The following AGPAT5 variants were observed in gnomAD, a reference collection of about 807,000 sequenced individuals.
AGPAT5 encodes the protein 1-acyl-sn-glycerol-3-phosphate acyltransferase epsilon.
In AGPAT5, 46 loss-of-function variants were observed where a neutral mutation model predicts 45.6. That is an observed-to-expected ratio of 1.01 (90% confidence interval 0.80 to 1.29). AGPAT5 has a LOEUF of 1.29. Among genes scored for constraint, AGPAT5 ranks in the 50% most tolerant of loss-of-function variants. AGPAT5 has a pLI of 0.00. For missense variants in AGPAT5, 673 were observed against 450.7 expected (o/e 1.49, Z -4.47); for synonymous variants, 272 against 167.0 (o/e 1.63, Z -4.85).
At position 6,746,532 on chromosome 8, in the gene AGPAT5, G is replaced by A. The variant is rs537594296; in HGVS notation, c.587-1138G>A. Among the ~76,000 whole-genome samples the A allele has an allele frequency of 4.6e-5, 7 of 152,190 alleles. No homozygotes were observed. In the East Asian group the frequency reaches 1.2e-3, roughly 25 times the overall value. On this transcript the variant is annotated intron_variant, in intron 5 of 7. Coordinates refer to ENST00000285518, the MANE Select transcript of AGPAT5 (RefSeq NM_018361.5). Reference sequence around the variant, plus strand: ...TGGATGAGCTCCAGTAGCAAAGAAGGAAGTGTTAACTAGTTTAACTGACAA... The same window carrying A: ...TGGATGAGCTCCAGTAGCAAAGAAGAAAGTGTTAACTAGTTTAACTGACAA...
intron 1 of AGPAT5, among the ~76,000 whole-genome samples, chr8:6,710,982 A>C (rs1800137767): frequency 6.6e-6 from 1 of 152,078 alleles, no homozygotes; most frequent in Non-Finnish European, 1.5e-5. Context: ...GTTCTGTATA[A>C]AGTATTGTTG....
At chr8:6,709,444 G>A (rs2294142) in intron 1 of AGPAT5, 2 of 153,874 alleles carry the variant, frequency 1.3e-5, no homozygotes, top group Non-Finnish European at 2.9e-5. Flanking sequence ...GTGATCTGTT[G>A]TCTGATTACT....
At chr8:6,729,847 T>C (rs1800804669) in intron 2 of AGPAT5, among the ~76,000 whole-genome samples, 1 of 152,230 alleles carries the variant, frequency 6.6e-6, no homozygotes, top group Admixed American at 6.5e-5. Flanking sequence ...TATTTAACTA[T>C]AGTTATTAGC....
At position 6,708,837 on chromosome 8, in the gene AGPAT5, G is replaced by A. The variant is rs1248066211; in HGVS notation, c.169G>A (p.Val57Ile). 2 of 1,611,558 alleles carry A rather than the reference G, an allele frequency of 1.2e-6. No individual in the cohort carries two copies. The highest frequency in any genetic ancestry group is 8.5e-7 in the Non-Finnish European group (1 of 1,179,618). Residue 57 changes from valine (V) to isoleucine (I), a missense_variant, in exon 1 of 8, where the codon GTC becomes ATC. Val to Ile is a conservative substitution (Grantham distance 29, BLOSUM62 3). Coordinates refer to ENST00000285518, the MANE Select transcript of AGPAT5 (RefSeq NM_018361.5). ...AGCGCTGGACGACCGGCTCTACTGCGTCTACCAGAGCATGGTGCTCTTCTT... is the reference window on the plus strand; with the variant it reads ...AGCGCTGGACGACCGGCTCTACTGCATCTACCAGAGCATGGTGCTCTTCTT... ...YQALDDRLYC[V>I]YQSMVLFFFE...
Position 6,730,637 on chromosome 8 carries a change from T to A in AGPAT5, c.290-74T>A. Reference sequence around the variant, plus strand: ...GAGCCACCGCGCCCGGCCATCATAGTACTTTTGAAGCCCATTCATAGTACA... The same window carrying A: ...GAGCCACCGCGCCCGGCCATCATAGAACTTTTGAAGCCCATTCATAGTACA... On this transcript the variant is annotated intron_variant, in intron 2 of 7. Transcript: ENST00000285518. 2.5e-6 allele frequency: 2 copies of A among 806,448 alleles called. 1 individual carries two copies. The highest frequency in any genetic ancestry group is 3.5e-5 in the South Asian group (2 of 57,688). The allele number at this position is 806,448 out of a possible 1,614,324, so 50.0% of individuals were successfully genotyped here.
chr8:6,749,639 G>A (rs1218330137), intron 6 of AGPAT5, among the ~76,000 whole-genome samples: 1 of 152,054 alleles, frequency 6.6e-6, no homozygotes, highest in Non-Finnish European at 1.5e-5. Context: ...ACAGAAAAGT[G>A]GCATATTAAT....
At chr8:6,722,901 C>G (rs1800554911) in intron 1 of AGPAT5, among the ~76,000 whole-genome samples, 1 of 151,810 alleles carries the variant, frequency 6.6e-6, no homozygotes, top group African/African-American at 2.4e-5. Flanking sequence ...CATGAACAAG[C>G]AATCATAATG....
chr8:6,736,142 A>C (rs1238695641), intron 4 of AGPAT5, among the ~76,000 whole-genome samples: 2 of 152,118 alleles, frequency 1.3e-5, no homozygotes, highest in Non-Finnish European at 2.9e-5. Context: ...GTGAGCCACC[A>C]CGCCCAGCCT....
chr8:6,723,643 A>G (rs1031924874), intron 1 of AGPAT5, among the ~76,000 whole-genome samples: 4 of 152,220 alleles, frequency 2.6e-5, no homozygotes, highest in African/African-American at 9.6e-5. Flanking sequence ...AGATCAAGCT[A>G]TTGGTATTAC....
intron 5 of AGPAT5, among the ~76,000 whole-genome samples, chr8:6,743,959 T>G (rs1801332824): frequency 6.6e-6 from 1 of 152,124 alleles, no homozygotes; most frequent in South Asian, 2.1e-4. Flanking sequence ...ATTTGAGAGT[T>G]CTTTCAAAAC....
intron 1 of AGPAT5, among the ~76,000 whole-genome samples, chr8:6,710,264 T>G (rs1399819802): frequency 6.6e-6 from 1 of 152,226 alleles, no homozygotes; most frequent in Non-Finnish European, 1.5e-5. Flanking sequence ...AACCTAGCAG[T>G]GTTTCTGAAA....
In AGPAT5 at chr8:6,757,508, G is replaced by C; in HGVS notation, c.*120G>C. 1.3e-6 allele frequency: 1 copy of C among 770,750 alleles called. No individual in the cohort carries two copies. The highest frequency in any genetic ancestry group is 2.1e-6 in the Non-Finnish European group (1 of 475,280). The allele number at this position is 770,750 out of a possible 1,614,324, so 47.7% of individuals were successfully genotyped here. A position where few individuals can be genotyped will look rare whatever the true frequency, so the allele number is the denominator to read the frequency against. On this transcript the variant is annotated 3_prime_UTR_variant, in exon 8 of 8. Coordinates refer to ENST00000285518, the MANE Select transcript of AGPAT5 (RefSeq NM_018361.5). ...TGTAAATAAAGCCTTGTTGATTGAA[G>C]ATTGGATAATAGAATTTGTGACGAA...
At chr8:6,755,454 A>C (rs549052796) in intron 7 of AGPAT5, among the ~76,000 whole-genome samples, 1 of 152,308 alleles carries the variant, frequency 6.6e-6, no homozygotes, top group East Asian at 1.9e-4. Context: ...CAACAAACAC[A>C]CAAAAAAACT....
chr8:6,750,779 T>C (rs1244795747), intron 6 of AGPAT5, among the ~76,000 whole-genome samples: 1 of 151,804 alleles, frequency 6.6e-6, no homozygotes, highest in Non-Finnish European at 1.5e-5. Flanking sequence ...GATCATAGGC[T>C]CAGTGGGTGA....
chr8:6,740,965 G>A (rs543773630), intron 4 of AGPAT5, among the ~76,000 whole-genome samples: 62 of 152,240 alleles, frequency 4.1e-4, no homozygotes, highest in African/African-American at 1.4e-3. Context: ...CAAGCTAGGA[G>A]TTTTTGCTGT....
In AGPAT5 at chr8:6,758,823, TA is replaced by T. The variant is rs1801932275; in HGVS notation, c.*1437del. On this transcript the variant is annotated 3_prime_UTR_variant, in exon 8 of 8. Coordinates refer to ENST00000285518, the MANE Select transcript of AGPAT5 (RefSeq NM_018361.5). Reference sequence around the variant, plus strand: ...AAACTTCGATTTCCTCATAGTCCTTTAAGTTGACATTTCTGCTTACTGCTAC... The same window carrying T: ...AAACTTCGATTTCCTCATAGTCCTTTAGTTGACATTTCTGCTTACTGCTAC... 1.3e-5 allele frequency: 2 copies of T among 152,756 alleles called. No homozygotes were observed. The highest frequency in any genetic ancestry group is 1.3e-4 in the Admixed American group (2 of 15,294). The allele number at this position is 152,756 out of a possible 1,614,324, so 9.5% of individuals were successfully genotyped here. A position where few individuals can be genotyped will look rare whatever the true frequency, so the allele number is the denominator to read the frequency against.
intron 3 of AGPAT5, among the ~76,000 whole-genome samples, chr8:6,732,359 G>GC (rs1043654266): frequency 2.0e-5 from 3 of 152,152 alleles, no homozygotes; most frequent in Admixed American, 6.5e-5. Flanking sequence ...GTCACATGCA[G>GC]TTTTTTTGAA....
chr8:6,724,079 A>G (rs906018888), intron 1 of AGPAT5, among the ~76,000 whole-genome samples: 1 of 152,228 alleles, frequency 6.6e-6, no homozygotes, highest in Non-Finnish European at 1.5e-5. Context: ...TGTAAGACAC[A>G]CAAAACAGCA....
At chr8:6,733,157 A>C (rs1013040655) in intron 4 of AGPAT5, among the ~76,000 whole-genome samples, 1 of 152,236 alleles carries the variant, frequency 6.6e-6, no homozygotes, top group Non-Finnish European at 1.5e-5. Context: ...GGAGAGTTCA[A>C]TCTGCTTTGT....
Sources: gnomAD v4.1 joint callset for allele counts (sites outside exome capture counted in the v4.1 genomes callset) on GRCh38, gnomAD v4.1.1 for gene constraint, MANE v1.5 for transcripts, NCBI Gene and HGNC (gene_info 2026-07-23, HGNC 2026-07-21) for gene names.